The following ARFGEF1 variants were observed in gnomAD, a reference collection of about 807,000 sequenced individuals.
The protein encoded by ARFGEF1 is ARF guanine nucleotide exchange factor 1.
A neutral mutation model predicts 231.0 loss-of-function variants in ARFGEF1; 42 were observed. That is an observed-to-expected ratio of 0.18 (90% CI 0.14 to 0.24). ARFGEF1 has a LOEUF of 0.24. Ranked by LOEUF, ARFGEF1 falls within the 10% of genes least tolerant of loss-of-function variation. ARFGEF1 has a pLI of 1.00. For synonymous variants in ARFGEF1, 710 were observed against 732.3 expected, an observed-to-expected ratio of 0.97 and a Z score of 0.49; for missense variants, 1,345 against 2,192.0, an observed-to-expected ratio of 0.61 and a Z score of 7.72.
chr8:67,320,223 CAAAAAAAAAAAAA>C (rs544834392), intron 1 of ARFGEF1, among the ~76,000 whole-genome samples: 4 of 45,264 alleles, frequency 8.8e-5, no homozygotes, highest in Admixed American at 6.6e-4. Context: ...AACGCTATCT[CAAAAAAAAAAAAA>C]AAAAAAAAAA....
chr8:67,241,346 G>A (rs982504591), intron 19 of ARFGEF1, among the ~76,000 whole-genome samples: 4 of 152,040 alleles, frequency 2.6e-5, no homozygotes, highest in African/African-American at 7.2e-5. Flanking sequence ...CATAAGTGCC[G>A]TACTTCTAAA....
chr8:67,192,760 A>G (rs1347115080), downstream of ARFGEF1, among the ~76,000 whole-genome samples: 1 of 152,184 alleles, frequency 6.6e-6, no homozygotes, highest in East Asian at 1.9e-4. Flanking sequence ...GCATTTGTTT[A>G]AAGACTGTTC....
At chr8:67,200,236 A>G (rs916438199) in intron 38 of ARFGEF1, 160 bp downstream of exon 38, 1 of 691,544 alleles carries the variant, frequency 1.4e-6, no homozygotes, top group South Asian at 1.5e-5. Flanking sequence ...AGGACTGAGG[A>G]AGATACAGCA....
rs1808745061 is a variant in ARFGEF1, at chr8:67,343,307, G to A, written c.-20C>T. The A allele has an allele frequency of 2.5e-6, 4 of 1,611,008 alleles. No individual in the cohort carries two copies. The East Asian group carries it at 8.9e-5, about 36-fold the overall frequency. ...ATACATGGACGCAGAGAAGGAGGCG[G>A]CGGCTCGTCCGACCCGCGGCTCCCA... On this transcript the variant is annotated 5_prime_UTR_variant, in exon 1 of 39. Coordinates refer to ENST00000262215, the MANE Select transcript of ARFGEF1 (RefSeq NM_006421.5).
intron 22 of ARFGEF1, among the ~76,000 whole-genome samples, chr8:67,237,341 C>A (rs978716128): frequency 6.6e-6 from 1 of 152,236 alleles, no homozygotes; most frequent in African/African-American, 2.4e-5. Context: ...GGACAGACTG[C>A]ATTGCTAGCT....
chr8:67,298,197 TG>T (rs1341719660), intron 4 of ARFGEF1, among the ~76,000 whole-genome samples: 1 of 152,046 alleles, frequency 6.6e-6, no homozygotes, highest in Non-Finnish European at 1.5e-5. Context: ...TATTCACACA[TG>T]AAAGAACACT....
intron 36 of ARFGEF1, chr8:67,201,938 G>A: frequency 3.3e-6 from 1 of 304,240 alleles, no homozygotes; most frequent in Non-Finnish European, 6.1e-6. Context: ...CAGGAGGTGA[G>A]AACTGCTCTG....
intron 36 of ARFGEF1, 192 bp from the exon 37 acceptor site, chr8:67,201,797 G>A: frequency 1.5e-6 from 1 of 669,346 alleles, no homozygotes. Context: ...CTGGGGATAT[G>A]AGATATAAAA....
chr8:67,343,454 C>G lies in ARFGEF1; in HGVS notation c.-167G>C, dbSNP rs1031900533. 7.4e-7 allele frequency: 1 copy of G among 1,358,368 alleles called. No individual in the cohort carries two copies. The highest frequency in any genetic ancestry group is 1.8e-5 in the South Asian group (1 of 54,818). 84.1% of individuals were successfully genotyped at this position (1,358,368 alleles called of 1,614,324 possible). A position where few individuals can be genotyped will look rare whatever the true frequency, so the allele number is the denominator to read the frequency against. ...TCAGGAAGGGGCGGGCGAGCGGGAC[C>G]AGCCGCGGTGTCGGCGAAGGGCGTC... On this transcript the variant is annotated 5_prime_UTR_variant, in exon 1 of 39. Transcript: ENST00000262215.
chr8:67,196,423 G>A (rs1227883520), downstream of ARFGEF1, among the ~76,000 whole-genome samples: 2 of 152,096 alleles, frequency 1.3e-5, no homozygotes, highest in Admixed American at 6.5e-5. Context: ...CTCAGTAAGT[G>A]ATACTTCTAA....
intron 1 of ARFGEF1, among the ~76,000 whole-genome samples, chr8:67,307,990 G>GC (rs1454587603): frequency 2.6e-5 from 4 of 152,196 alleles, no homozygotes; most frequent in African/African-American, 9.6e-5. Flanking sequence ...GAGCCCAATG[G>GC]CCCTGTTGTG....
intron 33 of ARFGEF1, among the ~76,000 whole-genome samples, chr8:67,214,409 G>T (rs918939844): frequency 7.9e-5 from 12 of 152,158 alleles, no homozygotes; most frequent in African/African-American, 2.9e-4. Context: ...TATCCTTGCT[G>T]TTTATAGTAC....
At chr8:67,329,472 T>C (rs1807996101) in intron 1 of ARFGEF1, among the ~76,000 whole-genome samples, 1 of 151,504 alleles carries the variant, frequency 6.6e-6, no homozygotes, top group Non-Finnish European at 1.5e-5. Flanking sequence ...GAGCTTGCAG[T>C]GAGCCGAGAT....
rs1353698142 is a variant in ARFGEF1, at chr8:67,343,324, C to G, written c.-37G>C. 6.3e-7 allele frequency: 1 copy of G among 1,597,908 alleles called. No individual in the cohort carries two copies. Among genetic ancestry groups the G allele is most frequent in the Non-Finnish European group, 8.5e-7 (1 of 1,169,776 alleles). ...AGGAGGCGGCGGCTCGTCCGACCCG[C>G]GGCTCCCAGCGGCTGGAGGGGAGGA... is the stretch of plus-strand genomic sequence containing the variant. On this transcript the variant is annotated 5_prime_UTR_variant, in exon 1 of 39. Transcript: ENST00000262215.
chr8:67,282,087 A>G (rs1327837948), intron 7 of ARFGEF1, among the ~76,000 whole-genome samples: 1 of 152,154 alleles, frequency 6.6e-6, no homozygotes, highest in African/African-American at 2.4e-5. Flanking sequence ...CTAACAACAT[A>G]CATTTAATAG....
intron 7 of ARFGEF1, among the ~76,000 whole-genome samples, chr8:67,279,408 T>G (rs1195490579): frequency 6.6e-6 from 1 of 152,124 alleles, no homozygotes; most frequent in African/African-American, 2.4e-5. Context: ...ACTAAGTATT[T>G]TAACATTCCT....
intron 5 of ARFGEF1, among the ~76,000 whole-genome samples, chr8:67,183,510 C>A (rs917321961): frequency 1.2e-4 from 18 of 152,202 alleles, no homozygotes; most frequent in African/African-American, 4.3e-4. Context: ...GGAAAAATCT[C>A]CAAATACTTT....
At chr8:67,193,407 G>A (rs1443359521), downstream of ARFGEF1, 1 of 1,527,280 alleles carries the variant, frequency 6.5e-7, no homozygotes, top group African/African-American at 1.4e-5. Context: ...CTGATTCACT[G>A]ATTTGTGAAC....
intron 14 of ARFGEF1, among the ~76,000 whole-genome samples, chr8:67,260,657 A>C (rs1804577376): frequency 6.6e-6 from 1 of 152,166 alleles, no homozygotes; most frequent in African/African-American, 2.4e-5. Context: ...TACTGAAATT[A>C]GGCCAGTTAA....
Sources: allele counts gnomAD v4.1 joint callset (sites outside exome capture counted in the v4.1 genomes callset), GRCh38; gene constraint gnomAD v4.1.1; transcripts MANE v1.5; gene names NCBI Gene and HGNC (gene_info 2026-07-23, HGNC 2026-07-21).